The following WNT7A variants were observed in gnomAD, a reference collection of about 807,000 sequenced individuals.
WNT7A encodes protein Wnt-7a.
WNT7A carries 16 observed loss-of-function variants against 28.2 expected under a neutral mutation model. The ratio of observed to expected loss-of-function variants is 0.57; its 90% CI spans 0.38 to 0.86. WNT7A has a LOEUF of 0.86. Among genes scored for constraint, WNT7A ranks in the 40% least tolerant of loss-of-function variants. The probability of loss-of-function intolerance (pLI) is 0.00; values close to 1 mark genes in which losing one functional copy is unlikely to be tolerated. For synonymous variants in WNT7A, 190 were observed against 195.9 expected (o/e 0.97, Z 0.25); for missense variants, 411 against 489.7 (o/e 0.84, Z 1.52).
chr3:13,852,814 C>T (rs1575068180), intron 3 of WNT7A, among the ~76,000 whole-genome samples: 1 of 152,164 alleles, frequency 6.6e-6, no homozygotes. Flanking sequence ...GTGACTCAGC[C>T]CTTTCTCTGC....
chr3:13,845,849 G>C (rs866768682), intron 3 of WNT7A, among the ~76,000 whole-genome samples: 1 of 152,228 alleles, frequency 6.6e-6, no homozygotes, highest in Non-Finnish European at 1.5e-5. Flanking sequence ...CGAGTCTCAC[G>C]ACTACCTGGA....
intron 1 of WNT7A, chr3:13,875,854 T>G: frequency 6.5e-6 from 1 of 154,126 alleles, no homozygotes; most frequent in Non-Finnish European, 1.4e-5. Flanking sequence ...ATTCCTATCT[T>G]CCTCAACTAT....
At chr3:13,873,142 T>C (rs755721433) in intron 2 of WNT7A, among the ~76,000 whole-genome samples, 9 of 152,056 alleles carry the variant, frequency 5.9e-5, no homozygotes, top group Non-Finnish European at 1.2e-4. Flanking sequence ...CCACTCACTA[T>C]GTGACCCGGG....
chr3:13,871,609 C>T (rs1695026597), intron 2 of WNT7A, among the ~76,000 whole-genome samples: 1 of 152,032 alleles, frequency 6.6e-6, no homozygotes, highest in South Asian at 2.1e-4. Context: ...TGTCACCCTC[C>T]CTTCTTCCTA....
intron 3 of WNT7A, among the ~76,000 whole-genome samples, chr3:13,852,517 A>C (rs1694655101): frequency 6.6e-6 from 1 of 152,180 alleles, no homozygotes; most frequent in African/African-American, 2.4e-5. Context: ...CGGTCGGAAC[A>C]AGGAGTGGGT....
chr3:13,842,756 G>A (rs1168466886), intron 3 of WNT7A, among the ~76,000 whole-genome samples: 1 of 152,220 alleles, frequency 6.6e-6, no homozygotes, highest in African/African-American at 2.4e-5. Context: ...AAGATCAGGA[G>A]TTAGGTTGTG....
At chr3:13,856,913 A>G (rs375823072) in intron 2 of WNT7A, among the ~76,000 whole-genome samples, 6 of 89,290 alleles carry the variant, frequency 6.7e-5, no homozygotes, top group African/African-American at 3.0e-4. Context: ...AAGAAGAAGA[A>G]GAAGAAGAAG....
At chr3:13,867,741 A>C (rs1011571329) in intron 2 of WNT7A, among the ~76,000 whole-genome samples, 2 of 152,200 alleles carry the variant, frequency 1.3e-5, no homozygotes, top group African/African-American at 4.8e-5. Context: ...CACTGGCCAA[A>C]CCCAATGGGA....
intron 2 of WNT7A, among the ~76,000 whole-genome samples, chr3:13,855,573 G>A (rs892478119): frequency 1.3e-5 from 2 of 152,140 alleles, no homozygotes; most frequent in Non-Finnish European, 2.9e-5. Flanking sequence ...GAGCAGCTGG[G>A]GTGCAGGAGA....
At chr3:13,823,322 A>T (rs1163519253) in intron 3 of WNT7A, among the ~76,000 whole-genome samples, 8 of 152,200 alleles carry the variant, frequency 5.3e-5, no homozygotes, top group Admixed American at 4.6e-4. Flanking sequence ...CTCAGGCTCT[A>T]AGATGACACG....
At chr3:13,852,824 C>T (rs1694661801) in intron 3 of WNT7A, among the ~76,000 whole-genome samples, 1 of 152,290 alleles carries the variant, frequency 6.6e-6, no homozygotes, top group South Asian at 2.1e-4. Flanking sequence ...CCTTTCTCTG[C>T]ATACACCGGG....
In WNT7A at chr3:13,816,740, CTTAT is replaced by C. The variant is rs1001364643; in HGVS notation, c.*2200_*2203del. On this transcript the variant is annotated 3_prime_UTR_variant, in exon 4 of 4. Coordinates refer to ENST00000285018, the MANE Select transcript of WNT7A (RefSeq NM_004625.4). ...AGCTATTCATCCATTCATCCGCTCACTTATCAATCCATCCACCCATCTGTTTATC... is the reference window on the plus strand; with the variant it reads ...AGCTATTCATCCATTCATCCGCTCACCAATCCATCCACCCATCTGTTTATC... The C allele has an allele frequency of 3.3e-5, 5 of 152,268 alleles. No individual in the cohort carries two copies. The highest frequency in any genetic ancestry group is 5.9e-5 in the Non-Finnish European group (4 of 68,022). The allele number at this position is 152,268 out of a possible 1,614,324, so 9.4% of individuals were successfully genotyped here. A position where few individuals can be genotyped will look rare whatever the true frequency, so the allele number is the denominator to read the frequency against.
intron 3 of WNT7A, among the ~76,000 whole-genome samples, chr3:13,836,300 G>A (rs1038041090): frequency 2.0e-4 from 30 of 152,112 alleles, no homozygotes; most frequent in Admixed American, 4.6e-4. Context: ...CAGGGGTGTC[G>A]GCCCTCGTGT....
At chr3:13,856,770 A>G (rs922581826) in intron 2 of WNT7A, among the ~76,000 whole-genome samples, 6 of 151,922 alleles carry the variant, frequency 3.9e-5, no homozygotes, top group African/African-American at 7.3e-5. Context: ...GTGAACCAAG[A>G]CTGTGCCACT....
At chr3:13,861,416 G>T (rs1445817383) in intron 2 of WNT7A, among the ~76,000 whole-genome samples, 1 of 152,266 alleles carries the variant, frequency 6.6e-6, no homozygotes, top group East Asian at 1.9e-4. Flanking sequence ...GCCAGGCACT[G>T]TTCTAGGGCA....
chr3:13,820,218 G>A (rs1239847092), intron 3 of WNT7A, among the ~76,000 whole-genome samples: 2 of 152,182 alleles, frequency 1.3e-5, no homozygotes, highest in Non-Finnish European at 2.9e-5. Context: ...CACCATGTGT[G>A]AGCATTTTTA....
chr3:13,868,639 AG>A (rs1162186152), intron 2 of WNT7A, among the ~76,000 whole-genome samples: 4 of 19,418 alleles, frequency 2.1e-4, no homozygotes, highest in East Asian at 3.1e-3. Context: ...AGAAAGAGAG[AG>A]GAGAAAGAAA....
chr3:13,860,027 G>T (rs532831071), intron 2 of WNT7A, among the ~76,000 whole-genome samples: 1 of 152,066 alleles, frequency 6.6e-6, no homozygotes, highest in African/African-American at 2.4e-5. Flanking sequence ...CTGCCCCAAG[G>T]CATGAGCACA....
intron 1 of WNT7A, among the ~76,000 whole-genome samples, chr3:13,877,958 T>C (rs1188269638): frequency 1.3e-5 from 2 of 152,328 alleles, no homozygotes; most frequent in African/African-American, 4.8e-5. Flanking sequence ...TTTAGGGACG[T>C]TGAGACTTCA....
Sources: gnomAD v4.1 joint callset for allele counts (sites outside exome capture counted in the v4.1 genomes callset) on GRCh38, gnomAD v4.1.1 for gene constraint, MANE v1.5 for transcripts, NCBI Gene and HGNC (gene_info 2026-07-23, HGNC 2026-07-21) for gene names.